The following DLG1 variants were observed in gnomAD, a reference collection of about 807,000 sequenced individuals.
DLG1 encodes disks large homolog 1.
DLG1 carries 42 observed loss-of-function variants against 123.4 expected under a neutral mutation model. The observed-to-expected ratio is 0.34, with a 90% CI of 0.27 to 0.44. DLG1 has a LOEUF of 0.44. Among genes scored for constraint, DLG1 ranks in the 20% least tolerant of loss-of-function variants. The pLI is 1.00. For missense variants in DLG1, 942 were observed against 1,082.6 expected (o/e 0.87, Z 1.82); for synonymous variants, 317 against 356.2 (o/e 0.89, Z 1.24).
intron 4 of DLG1, among the ~76,000 whole-genome samples, chr3:197,265,694 C>T (rs1761388004): frequency 6.6e-6 from 1 of 152,142 alleles, no homozygotes; most frequent in Non-Finnish European, 1.5e-5. Context: ...ATAATGAAAA[C>T]TCATAATATA....
intron 4 of DLG1, among the ~76,000 whole-genome samples, chr3:197,244,422 TTTAA>T (rs1750569337): frequency 6.6e-6 from 1 of 152,196 alleles, no homozygotes; most frequent in African/African-American, 2.4e-5. Context: ...AGACAGAATA[TTTAA>T]TCCATTTCAG....
At chr3:197,271,713 A>C (rs1404006526) in intron 4 of DLG1, among the ~76,000 whole-genome samples, 1 of 152,214 alleles carries the variant, frequency 6.6e-6, no homozygotes. Context: ...AATTATTGCT[A>C]ATTTTCTCAG....
intron 15 of DLG1, among the ~76,000 whole-genome samples, chr3:197,086,462 A>G (rs1754425146): frequency 6.6e-6 from 1 of 152,230 alleles, no homozygotes; most frequent in African/African-American, 2.4e-5. Context: ...AGCTCTCTCA[A>G]GAGTGTAAGA....
chr3:197,269,289 G>C (rs919554251), intron 4 of DLG1, among the ~76,000 whole-genome samples: 1 of 152,142 alleles, frequency 6.6e-6, no homozygotes, highest in Non-Finnish European at 1.5e-5. Flanking sequence ...TGTTATGACA[G>C]CAAAGATGTC....
chr3:197,272,488 C>T (rs1248822586), intron 4 of DLG1, among the ~76,000 whole-genome samples: 1 of 152,116 alleles, frequency 6.6e-6, no homozygotes, highest in African/African-American at 2.4e-5. Context: ...CTGTGGTTTT[C>T]ATTGTGCCAT....
At chr3:197,109,039 T>C (rs1298454260) in intron 13 of DLG1, among the ~76,000 whole-genome samples, 1 of 152,172 alleles carries the variant, frequency 6.6e-6, no homozygotes, top group East Asian at 1.9e-4. Flanking sequence ...ATTTTCTTAG[T>C]GGTTATCTTG....
At chr3:197,122,357 T>C (rs1226697549) in intron 11 of DLG1, among the ~76,000 whole-genome samples, 1 of 152,126 alleles carries the variant, frequency 6.6e-6, no homozygotes, top group Non-Finnish European at 1.5e-5. Context: ...TAACACCATA[T>C]ACAATGGTGA....
rs371932810 is a variant in DLG1 at position 197,066,690 on chromosome 3, T to G, written c.2098+14A>C. On this transcript the variant is annotated intron_variant, in intron 20 of 24. Transcript: ENST00000667157. ...CTTCTAGAAGGTTATAAAACATCAA[T>G]AGGCTTCACAAACCTTCTTGTTGAT... 1.4e-5 allele frequency: 22 copies of G among 1,581,908 alleles called. No individual in the cohort carries two copies. Among genetic ancestry groups the G allele is most frequent in the Non-Finnish European group, 1.9e-5 (22 of 1,153,726 alleles).
chr3:197,053,556 G>T (rs1425622879), intron 23 of DLG1, among the ~76,000 whole-genome samples: 1 of 151,986 alleles, frequency 6.6e-6, no homozygotes, highest in African/African-American at 2.4e-5. Flanking sequence ...CGGATCACCT[G>T]AGGTCAGGAC....
chr3:197,265,878 C>T (rs1030638970), intron 4 of DLG1, among the ~76,000 whole-genome samples: 1 of 152,016 alleles, frequency 6.6e-6, no homozygotes, highest in Non-Finnish European at 1.5e-5. Flanking sequence ...GGTGAAACCC[C>T]GTCTCTACCA....
At position 197,119,425 on chromosome 3, in the gene DLG1, T is replaced by C; in HGVS notation, c.1271A>G (p.Asp424Gly). ...ACTTCCTTACCTTGTAATTTCATCA[T>C]CTCCAAGTACTGCTTTAGAAACTGG... The part of the protein sequence containing the change: ...YSPVSKAVLG[D>G]DEITREPRKV... Residue 424 changes from aspartate (D) to glycine (G), a missense_variant, in exon 12 of 25, where the codon GAT becomes GGT. By Grantham distance (94) the Asp-to-Gly change is moderately conservative. Coordinates refer to ENST00000667157, the MANE Select transcript of DLG1 (RefSeq NM_001366207.1). The C allele has an allele frequency of 3.1e-6, 5 of 1,604,160 alleles. No individual in the cohort carries two copies. Among genetic ancestry groups the C allele is most frequent in the Non-Finnish European group, 4.3e-6 (5 of 1,174,102 alleles).
At chr3:197,295,431 A>C (rs1476658935) in intron 3 of DLG1, among the ~76,000 whole-genome samples, 4 of 152,146 alleles carry the variant, frequency 2.6e-5, no homozygotes, top group Non-Finnish European at 2.9e-5. Flanking sequence ...ATGTAATATA[A>C]TTAAGTATAT....
At chr3:197,244,870 A>G (rs1396265140) in intron 4 of DLG1, among the ~76,000 whole-genome samples, 1 of 152,122 alleles carries the variant, frequency 6.6e-6, no homozygotes, top group African/African-American at 2.4e-5. Context: ...AAAAGCCTTT[A>G]GCTTTGAGGG....
At chr3:197,257,284 C>G (rs182696870) in intron 4 of DLG1, among the ~76,000 whole-genome samples, 25 of 152,198 alleles carry the variant, frequency 1.6e-4, no homozygotes, top group African/African-American at 6.0e-4. Context: ...AATTCCCAAA[C>G]TGATAAACCA....
chr3:197,239,931 A>C (rs574419353), intron 4 of DLG1, among the ~76,000 whole-genome samples: 2 of 151,886 alleles, frequency 1.3e-5, no homozygotes, highest in African/African-American at 4.8e-5. Context: ...GCCAGCACCT[A>C]ATGGGCAAAA....
intron 4 of DLG1, among the ~76,000 whole-genome samples, chr3:197,199,432 A>C (rs541672492): frequency 3.9e-5 from 6 of 152,272 alleles, no homozygotes; most frequent in African/African-American, 1.4e-4. Flanking sequence ...AAAATAGTGT[A>C]TATAAAGTCC....
chr3:197,178,145 AAT>A (rs1561268880), intron 5 of DLG1, among the ~76,000 whole-genome samples: 1 of 152,180 alleles, frequency 6.6e-6, no homozygotes, highest in Non-Finnish European at 1.5e-5. Flanking sequence ...AAGACAGAGT[AAT>A]GTCTGGAGTG....
At position 197,180,511 on chromosome 3, in the gene DLG1, C is replaced by T. The variant is rs540170978; in HGVS notation, c.483+13914G>A. Among the ~76,000 whole-genome samples the T allele has an allele frequency of 5.9e-5, 9 of 152,194 alleles. No homozygotes were observed. The East Asian group carries it at 1.5e-3, about 26-fold the overall frequency. ...GACAAAAACACTATGAAGCCTCAAACTGAAAAAGTTTCACCAATGTAATTC... is the reference window on the plus strand; with the variant it reads ...GACAAAAACACTATGAAGCCTCAAATTGAAAAAGTTTCACCAATGTAATTC... On this transcript the variant is annotated intron_variant, in intron 5 of 24. Transcript: ENST00000667157.
intron 5 of DLG1, among the ~76,000 whole-genome samples, chr3:197,182,130 C>CATAT (rs144641816): frequency 2.5e-4 from 30 of 119,742 alleles, no homozygotes; most frequent in African/African-American, 7.3e-4. Context: ...TTACATAAAC[C>CATAT]ATATATATAT....
Sources: allele counts gnomAD v4.1 joint callset (sites outside exome capture counted in the v4.1 genomes callset), GRCh38; gene constraint gnomAD v4.1.1; transcripts MANE v1.5; gene names NCBI Gene and HGNC (gene_info 2026-07-23, HGNC 2026-07-21).